The following CDH13 variants were observed in gnomAD, a reference collection of about 807,000 sequenced individuals.
The protein encoded by CDH13 is cadherin-13.
A neutral mutation model predicts 63.8 loss-of-function variants in CDH13; 24 were observed. That is an observed-to-expected ratio of 0.38 (90% CI 0.27 to 0.53). CDH13 has a LOEUF of 0.53. Ranked by LOEUF, CDH13 falls within the 20% of genes least tolerant of loss-of-function variation. The pLI is 0.85. For synonymous variants in CDH13, 503 were observed against 355.3 expected (o/e 1.42, Z -4.67); for missense variants, 1,049 against 903.1 (o/e 1.16, Z -2.07).
intron 2 of CDH13, among the ~76,000 whole-genome samples, chr16:82,880,586 G>T (rs1418845914): frequency 6.6e-6 from 1 of 152,192 alleles, no homozygotes; most frequent in African/African-American, 2.4e-5. Flanking sequence ...TTGCTTGGTT[G>T]ATTGAAGAAG....
At chr16:83,054,098 A>G (rs182770836) in intron 3 of CDH13, among the ~76,000 whole-genome samples, 4 of 152,332 alleles carry the variant, frequency 2.6e-5, no homozygotes, top group Admixed American at 2.0e-4. Context: ...TAGGAACAAT[A>G]GGCTATACCG....
Position 83,229,671 on chromosome 16 carries a change from C to T in CDH13, c.636+12174C>T, listed in dbSNP as rs143091412. Among the ~76,000 whole-genome samples the T allele has an allele frequency of 1.6e-3, 243 of 152,170 alleles. 2 individuals carry two copies. Among genetic ancestry groups the T allele is most frequent in the African/African-American group, 5.6e-3 (232 of 41,518 alleles). On this transcript the variant is annotated intron_variant, in intron 5 of 13. Transcript: ENST00000567109. ...ATTAGGTAGTAAAAGAGATCATTTCCGTATTTTTCTTTCTTCCAAAGGTGC... is the reference window on the plus strand; with the variant it reads ...ATTAGGTAGTAAAAGAGATCATTTCTGTATTTTTCTTTCTTCCAAAGGTGC...
intron 5 of CDH13, among the ~76,000 whole-genome samples, chr16:83,334,840 G>T (rs13337664): frequency 6.6e-6 from 1 of 151,720 alleles, no homozygotes; most frequent in African/African-American, 2.4e-5. Context: ...TGTAGATAGA[G>T]TACTCTTACC....
intron 1 of CDH13, among the ~76,000 whole-genome samples, chr16:82,678,216 G>A (rs76529956): frequency 0.066 from 10,078 of 151,840 alleles, 498 homozygotes; most frequent in Non-Finnish European, 0.099. Context: ...TTTTCATCTC[G>A]GTATAGTTCA....
intron 2 of CDH13, among the ~76,000 whole-genome samples, chr16:82,872,991 G>A (rs1272699342): frequency 1.3e-5 from 2 of 152,138 alleles, no homozygotes; most frequent in Non-Finnish European, 2.9e-5. Flanking sequence ...ACAGGAAAAC[G>A]GCACATGACA....
chr16:83,304,646 G>A (rs192985340), intron 5 of CDH13, among the ~76,000 whole-genome samples: 98 of 152,276 alleles, frequency 6.4e-4, no homozygotes, highest in African/African-American at 2.1e-3. Flanking sequence ...ATTGGAACAG[G>A]TTCTTTACTG....
chr16:83,336,346 C>A (rs1597780996), intron 5 of CDH13, among the ~76,000 whole-genome samples: 1 of 151,006 alleles, frequency 6.6e-6, no homozygotes, highest in Non-Finnish European at 1.5e-5. Flanking sequence ...CAATGAGATT[C>A]CTTCTTGTTT....
chr16:82,833,483 C>G (rs925817525), intron 1 of CDH13, among the ~76,000 whole-genome samples: 1 of 152,232 alleles, frequency 6.6e-6, no homozygotes, highest in African/African-American at 2.4e-5. Flanking sequence ...CTGTGTGATT[C>G]TGATCCCCAT....
chr16:83,780,483 A>G (rs1464940215), intron 12 of CDH13, among the ~76,000 whole-genome samples: 2 of 152,202 alleles, frequency 1.3e-5, no homozygotes, highest in Non-Finnish European at 1.5e-5. Context: ...TCTGCTACAT[A>G]CACTATTTAG....
intron 7 of CDH13, among the ~76,000 whole-genome samples, chr16:83,522,853 A>T (rs2074872666): frequency 6.6e-6 from 1 of 152,114 alleles, no homozygotes; most frequent in African/African-American, 2.4e-5. Flanking sequence ...CCAAGGACTT[A>T]AAGAATTTTT....
chr16:82,894,487 C>T (rs1462245588), intron 2 of CDH13, among the ~76,000 whole-genome samples: 1 of 152,004 alleles, frequency 6.6e-6, no homozygotes, highest in Non-Finnish European at 1.5e-5. Flanking sequence ...ACTAATAATA[C>T]AAAAATTAGC....
At chr16:83,713,872 T>C (rs1187444316) in intron 10 of CDH13, among the ~76,000 whole-genome samples, 1 of 152,208 alleles carries the variant, frequency 6.6e-6, no homozygotes, top group Non-Finnish European at 1.5e-5. Context: ...GCCTTCCTCA[T>C]TGTCAACATT....
chr16:83,220,015 G>C (rs12716966), intron 5 of CDH13, among the ~76,000 whole-genome samples: 97,483 of 152,126 alleles, frequency 0.64, 31,995 homozygotes, highest in East Asian at 0.95. Flanking sequence ...GGTATTTAGT[G>C]GGAATGCAGT....
At chr16:82,900,818 G>C (rs573690134) in intron 2 of CDH13, among the ~76,000 whole-genome samples, 2 of 152,172 alleles carry the variant, frequency 1.3e-5, no homozygotes, top group East Asian at 3.9e-4. Context: ...TTTCTGGCTG[G>C]GTAAATGCCA....
At chr16:83,377,200 C>G (rs916646460) in intron 6 of CDH13, among the ~76,000 whole-genome samples, 1 of 152,090 alleles carries the variant, frequency 6.6e-6, no homozygotes, top group Admixed American at 6.6e-5. Flanking sequence ...TTCTACAGCA[C>G]TAAATAACCA....
chr16:83,376,289 C>T (rs1393187371), intron 6 of CDH13, among the ~76,000 whole-genome samples: 1 of 152,088 alleles, frequency 6.6e-6, no homozygotes. Context: ...TCTGTATGCA[C>T]AGATGTGGAA....
At chr16:82,738,042 A>T (rs1269840622) in intron 1 of CDH13, among the ~76,000 whole-genome samples, 1 of 152,204 alleles carries the variant, frequency 6.6e-6, no homozygotes, top group Non-Finnish European at 1.5e-5. Flanking sequence ...TGTCAATTAC[A>T]GGCGCTGTGT....
At chr16:82,638,110 C>G (rs190220144) in intron 1 of CDH13, among the ~76,000 whole-genome samples, 17 of 152,320 alleles carry the variant, frequency 1.1e-4, no homozygotes, top group African/African-American at 3.6e-4. Flanking sequence ...TGCCTTGCCT[C>G]CCTCTTTCTG....
intron 6 of CDH13, among the ~76,000 whole-genome samples, chr16:83,402,901 T>G (rs1301347159): frequency 6.6e-6 from 1 of 152,186 alleles, no homozygotes; most frequent in Admixed American, 6.5e-5. Flanking sequence ...GGAATCAAAT[T>G]TTTAAATTAA....
Sources: gnomAD v4.1 joint callset for allele counts (sites outside exome capture counted in the v4.1 genomes callset) on GRCh38, gnomAD v4.1.1 for gene constraint, MANE v1.5 for transcripts, NCBI Gene and HGNC (gene_info 2026-07-23, HGNC 2026-07-21) for gene names.